ERC2: variants seen among roughly 807,000 people sequenced by gnomAD.
The protein encoded by ERC2 is ELKS/RAB6-interacting/CAST family member 2, also known as ERC protein 2.
Under a neutral mutation model 114.8 loss-of-function variants are expected in ERC2, and 42 were observed. The ratio of observed to expected loss-of-function variants is 0.37; its 90% confidence interval spans 0.29 to 0.47. ERC2 has a LOEUF of 0.47. Ranked by LOEUF, ERC2 falls within the 20% of genes least tolerant of loss-of-function variation. The probability of loss-of-function intolerance (pLI) is 0.99; values close to 1 mark genes in which losing one functional copy is unlikely to be tolerated. For missense variants in ERC2, 939 were observed against 1,150.7 expected (o/e 0.82, Z 2.66); for synonymous variants, 454 against 425.5 (o/e 1.07, Z -0.82).
chr3:55,921,073 T>C (rs1392072668), intron 13 of ERC2, among the ~76,000 whole-genome samples: 1 of 152,134 alleles, frequency 6.6e-6, no homozygotes, highest in Non-Finnish European at 1.5e-5. Context: ...TTGCTGCTTA[T>C]GTACTAAAGT....
Position 56,442,425 on chromosome 3 carries a change from G to A in ERC2, c.-140-7278C>T, listed in dbSNP as rs566553118. 3.9e-5 allele frequency among the ~76,000 whole-genome samples: 6 copies of A among 152,070 alleles called. No homozygotes were observed. The South Asian group carries it at 8.3e-4, about 21-fold the overall frequency. On this transcript the variant is annotated intron_variant, in intron 1 of 17. Transcript: ENST00000288221. ...TGAAGAAACGGGGTTTTGTCATGTT[G>A]CCCAGGCTTGATCTTCAACTCCTAA...
At chr3:55,813,805 C>A (rs1001649108) in intron 14 of ERC2, among the ~76,000 whole-genome samples, 1 of 152,152 alleles carries the variant, frequency 6.6e-6, no homozygotes, top group African/African-American at 2.4e-5. Context: ...AAATTTTTAT[C>A]ATTCCTTCAA....
chr3:55,574,406 A>T (rs1384831390), intron 17 of ERC2, among the ~76,000 whole-genome samples: 1 of 152,036 alleles, frequency 6.6e-6, no homozygotes. Context: ...GCATGAGGGG[A>T]TGTACAGAAT....
At chr3:56,428,379 C>T (rs949081720) in intron 2 of ERC2, among the ~76,000 whole-genome samples, 2 of 151,704 alleles carry the variant, frequency 1.3e-5, no homozygotes, top group Admixed American at 1.3e-4. Flanking sequence ...AAATCAGCCG[C>T]GCGTGCTGGT....
chr3:55,639,141 A>C (rs2060075268), intron 17 of ERC2, among the ~76,000 whole-genome samples: 1 of 152,210 alleles, frequency 6.6e-6, no homozygotes, highest in Admixed American at 6.5e-5. Context: ...GAGTTGAAAG[A>C]AGTGTGTAGG....
At chr3:56,250,551 G>C (rs1287867328) in intron 3 of ERC2, among the ~76,000 whole-genome samples, 1 of 152,134 alleles carries the variant, frequency 6.6e-6, no homozygotes, top group Non-Finnish European at 1.5e-5. Flanking sequence ...ACCAAAACTG[G>C]AACAGAAGAG....
At chr3:55,738,251 A>G (rs570779246) in intron 14 of ERC2, among the ~76,000 whole-genome samples, 5 of 152,276 alleles carry the variant, frequency 3.3e-5, no homozygotes, top group African/African-American at 1.2e-4. Flanking sequence ...TAATCCCTAA[A>G]ACATAAAGCT....
At chr3:55,567,559 G>T (rs115442672) in intron 17 of ERC2, among the ~76,000 whole-genome samples, 9 of 152,234 alleles carry the variant, frequency 5.9e-5, no homozygotes, top group Non-Finnish European at 1.3e-4. Context: ...GCAGGACTCA[G>T]CTGGGAGGTG....
Position 56,098,934 on chromosome 3 carries a change from G to A in ERC2, c.1474-17950C>T, listed in dbSNP as rs181800941. Among the ~76,000 whole-genome samples the A allele has an allele frequency of 4.9e-4, 74 of 152,284 alleles. No individual in the cohort carries two copies. The East Asian group carries it at 0.014, about 29-fold the overall frequency. On this transcript the variant is annotated intron_variant, in intron 6 of 17. Coordinates refer to ENST00000288221, the MANE Select transcript of ERC2 (RefSeq NM_015576.3). ...AAAATTGATTTAGTACCTGTAATGA[G>A]TTGAATGGTGGTCCCCAAATAGATG... is the stretch of plus-strand genomic sequence containing the variant.
intron 7 of ERC2, among the ~76,000 whole-genome samples, chr3:56,028,091 T>C (rs1023730669): frequency 2.0e-5 from 3 of 152,160 alleles, no homozygotes; most frequent in African/African-American, 7.2e-5. Context: ...TTTGCACTTT[T>C]GTAAAAAATC....
At chr3:56,420,294 C>G (rs1273349523) in intron 2 of ERC2, among the ~76,000 whole-genome samples, 2 of 147,370 alleles carry the variant, frequency 1.4e-5, no homozygotes, top group East Asian at 4.0e-4. Flanking sequence ...AAGTGATCCT[C>G]CCACCTCAGC....
intron 17 of ERC2, among the ~76,000 whole-genome samples, chr3:55,529,913 T>G (rs1266342980): frequency 1.3e-5 from 2 of 152,230 alleles, no homozygotes; most frequent in African/African-American, 2.4e-5. Context: ...ACTCATTGTA[T>G]GGTCTGGAAG....
At chr3:55,787,018 C>T (rs2069559140) in intron 14 of ERC2, among the ~76,000 whole-genome samples, 1 of 152,130 alleles carries the variant, frequency 6.6e-6, no homozygotes, top group African/African-American at 2.4e-5. Flanking sequence ...ACAGATAGGA[C>T]CTAGTTTTAA....
intron 17 of ERC2, chr3:55,657,308 C>G (rs1351583107): frequency 6.6e-6 from 1 of 152,098 alleles, no homozygotes; most frequent in Non-Finnish European, 1.5e-5. Context: ...CTACTCCGAT[C>G]TATTCCATTT....
intron 17 of ERC2, among the ~76,000 whole-genome samples, chr3:55,610,158 G>T (rs997756290): frequency 2.7e-5 from 4 of 150,342 alleles, no homozygotes; most frequent in Non-Finnish European, 5.9e-5. Context: ...TTGTCATCAG[G>T]ACTGCTTTGT....
At chr3:56,303,988 C>A (rs2056066106) in intron 2 of ERC2, among the ~76,000 whole-genome samples, 2 of 151,942 alleles carry the variant, frequency 1.3e-5, no homozygotes, top group Middle Eastern at 3.4e-3. Context: ...TGGCCATATG[C>A]AAAATATAAG....
chr3:56,029,727 G>A (rs1576622155), intron 7 of ERC2, among the ~76,000 whole-genome samples: 1 of 151,886 alleles, frequency 6.6e-6, no homozygotes, highest in Non-Finnish European at 1.5e-5. Context: ...TTTTCTCAGG[G>A]TTTCTGGAGA....
chr3:56,158,287 T>G (rs2081849300), intron 4 of ERC2, among the ~76,000 whole-genome samples: 1 of 152,208 alleles, frequency 6.6e-6, no homozygotes, highest in African/African-American at 2.4e-5. Context: ...AGGTCATTTA[T>G]TATCCCATAG....
chr3:55,858,066 T>C (rs1224197071), intron 14 of ERC2, among the ~76,000 whole-genome samples: 2 of 152,216 alleles, frequency 1.3e-5, no homozygotes, highest in African/African-American at 2.4e-5. Context: ...CTCCTGAAAC[T>C]TGTGACATAT....
Sources: gnomAD v4.1 joint callset for allele counts (sites outside exome capture counted in the v4.1 genomes callset) on GRCh38, gnomAD v4.1.1 for gene constraint, MANE v1.5 for transcripts, NCBI Gene and HGNC (gene_info 2026-07-23, HGNC 2026-07-21) for gene names.